The following PRMT3 variants were observed in gnomAD, a reference collection of about 807,000 sequenced individuals.
The protein encoded by PRMT3 is protein arginine methyltransferase 3, also known as protein arginine N-methyltransferase 3.
PRMT3 carries 62 observed loss-of-function variants against 71.9 expected under a neutral mutation model. The observed-to-expected ratio is 0.86, with a 90% CI of 0.70 to 1.07. The LOEUF is 1.07. Ranked by LOEUF, PRMT3 falls within the 50% of genes least tolerant of loss-of-function variation. The pLI is 0.00. For missense variants in PRMT3, 663 were observed against 643.0 expected (o/e 1.03, Z -0.34); for synonymous variants, 213 against 220.4 (o/e 0.97, Z 0.30).
rs1440579229 is a variant in PRMT3 at position 20,387,745 on chromosome 11, C to T, written c.-2C>T. ...ACGCCGGGCTCTCGGGGCACCACAG[C>T]CATGTGCTCGTTAGCGTCAGGCGCT... On this transcript the variant is annotated 5_prime_UTR_variant, in exon 1 of 16. Coordinates refer to ENST00000331079, the MANE Select transcript of PRMT3 (RefSeq NM_005788.4). The surrounding 1 kb of genome is among the most constrained non-coding windows in gnomAD (Gnocchi z 4.3). 20 of 1,540,726 alleles carry T rather than the reference C, an allele frequency of 1.3e-5. No individual in the cohort carries two copies. The highest frequency in any genetic ancestry group is 1.7e-5 in the Non-Finnish European group (20 of 1,145,994).
At chr11:20,406,658 A>G (rs1367816204) in intron 8 of PRMT3, 1 of 152,210 alleles carries the variant, frequency 6.6e-6, no homozygotes, top group Non-Finnish European at 1.5e-5. Context: ...TTTTGGGTAT[A>G]TACCCAGAAA....
chr11:20,466,980 A>T (rs1032195221), intron 13 of PRMT3, among the ~76,000 whole-genome samples: 1 of 152,166 alleles, frequency 6.6e-6, no homozygotes, highest in African/African-American at 2.4e-5. Flanking sequence ...AACTTGCCTG[A>T]ATGGTGTTTA....
chr11:20,440,892 G>C (rs1379949821), intron 10 of PRMT3, among the ~76,000 whole-genome samples: 1 of 151,950 alleles, frequency 6.6e-6, no homozygotes, highest in African/African-American at 2.4e-5. Context: ...CTTTCATAGA[G>C]CAAAAGTTTT....
intron 10 of PRMT3, among the ~76,000 whole-genome samples, chr11:20,440,336 CA>C (rs978773732): frequency 6.6e-6 from 1 of 152,058 alleles, no homozygotes; most frequent in Non-Finnish European, 1.5e-5. Flanking sequence ...GCCTGGGCAA[CA>C]GAGCGAGATG....
intron 7 of PRMT3, among the ~76,000 whole-genome samples, chr11:20,402,486 T>G (rs1165352064): frequency 3.3e-5 from 5 of 152,096 alleles, no homozygotes; most frequent in African/African-American, 1.2e-4. Flanking sequence ...GGTCTCAAAC[T>G]CCTAGCTTCA....
chr11:20,404,165 T>G (rs1168234108), intron 8 of PRMT3, among the ~76,000 whole-genome samples: 4 of 150,550 alleles, frequency 2.7e-5, no homozygotes, highest in African/African-American at 9.7e-5. Context: ...TATTTAGTTT[T>G]TTTTTGTATG....
At chr11:20,436,686 A>G (rs1001381887) in intron 10 of PRMT3, among the ~76,000 whole-genome samples, 19 of 147,824 alleles carry the variant, frequency 1.3e-4, no homozygotes, top group Admixed American at 3.4e-4. Flanking sequence ...GTTTGCTTGT[A>G]TTTTGTTAAG....
intron 10 of PRMT3, among the ~76,000 whole-genome samples, chr11:20,447,224 A>T (rs1850050403): frequency 6.6e-6 from 1 of 151,944 alleles, no homozygotes; most frequent in African/African-American, 2.4e-5. Flanking sequence ...CATTTTGGAT[A>T]CCTCTAGAAC....
chr11:20,480,944 T>C (rs1396683668), intron 13 of PRMT3, among the ~76,000 whole-genome samples: 1 of 152,158 alleles, frequency 6.6e-6, no homozygotes, highest in Non-Finnish European at 1.5e-5. Context: ...AGTAGTGATA[T>C]CCAGTAGGAA....
At chr11:20,392,742 G>T (rs1270924582) in intron 4 of PRMT3, among the ~76,000 whole-genome samples, 155 bp from the exon 5 acceptor site, 1 of 151,616 alleles carries the variant, frequency 6.6e-6, no homozygotes. Flanking sequence ...CGTCCAGCAA[G>T]TTAATGAAAT....
At chr11:20,489,769 GTTT>G (rs1172524201) in intron 13 of PRMT3, among the ~76,000 whole-genome samples, 1 of 144,782 alleles carries the variant, frequency 6.9e-6, no homozygotes, top group Admixed American at 7.0e-5. Flanking sequence ...AATTGAAGGG[GTTT>G]TTTTTTTTCT....
chr11:20,450,392 G>T (rs138954170), intron 10 of PRMT3, among the ~76,000 whole-genome samples: 1 of 152,094 alleles, frequency 6.6e-6, no homozygotes, highest in Non-Finnish European at 1.5e-5. Flanking sequence ...AAGCATTTGT[G>T]TGTGAAATCT....
Position 20,454,555 on chromosome 11 carries a change from T to C in PRMT3, c.1072+2347T>C, listed in dbSNP as rs559892721. Among the ~76,000 whole-genome samples, 103 of 152,264 alleles carry C rather than the reference T, an allele frequency of 6.8e-4. 1 individual carries two copies. The highest frequency in any genetic ancestry group is 2.2e-3 in the African/African-American group (90 of 41,564). On this transcript the variant is annotated intron_variant, in intron 11 of 15. Transcript: ENST00000331079. ...CCTTAAGCAGTGCTGTTGAATCTTATTTGTTAACAGAATCAAGAGAAAGAA... is the reference window on the plus strand; with the variant it reads ...CCTTAAGCAGTGCTGTTGAATCTTACTTGTTAACAGAATCAAGAGAAAGAA...
At chr11:20,391,766 C>G (rs1848721244) in intron 3 of PRMT3, among the ~76,000 whole-genome samples, 1 of 152,132 alleles carries the variant, frequency 6.6e-6, no homozygotes, top group Non-Finnish European at 1.5e-5. Flanking sequence ...AGATAACAAG[C>G]CTTATTGGGC....
rs1181011468 is a variant in PRMT3 at position 20,452,187 on chromosome 11, T to C, written c.1051T>C (p.Tyr351His). The change falls in exon 11 of 16, where the codon TAC becomes CAC. Residue 351 changes from tyrosine (Y) to histidine (H), a missense_variant. Coordinates refer to ENST00000331079, the MANE Select transcript of PRMT3 (RefSeq NM_005788.4). The part of the protein sequence containing the change: ...LDSVLYAKNK[Y>H]LAKGGSVYPD... The stretch of plus-strand genomic sequence containing the variant: ...TTCTGTCCTTTATGCAAAGAACAAA[T>C]ACTTGGCAAAAGGAGGCTCGGGTGA... 6.2e-7 allele frequency: 1 copy of C among 1,609,622 alleles called. No individual in the cohort carries two copies. Among genetic ancestry groups the C allele is most frequent in the African/African-American group, 1.3e-5 (1 of 74,778 alleles).
intron 8 of PRMT3, among the ~76,000 whole-genome samples, chr11:20,404,208 A>C (rs1386199222): frequency 1.2e-5 from 1 of 83,658 alleles, no homozygotes; most frequent in Non-Finnish European, 2.2e-5. Context: ...GAGACTTTTC[A>C]TAGTTTTTTT....
intron 13 of PRMT3, among the ~76,000 whole-genome samples, chr11:20,468,487 G>C (rs546831907): frequency 1.3e-5 from 2 of 152,254 alleles, no homozygotes; most frequent in South Asian, 4.2e-4. Context: ...TCTTGGCTCA[G>C]CCTCCCTAGT....
At chr11:20,434,734 G>A (rs1849725801) in intron 10 of PRMT3, among the ~76,000 whole-genome samples, 1 of 152,038 alleles carries the variant, frequency 6.6e-6, no homozygotes, top group Non-Finnish European at 1.5e-5. Context: ...CTGTTCCATT[G>A]GTCTATGTGT....
intron 13 of PRMT3, among the ~76,000 whole-genome samples, chr11:20,492,079 G>GT (rs1048871583): frequency 3.9e-5 from 6 of 152,206 alleles, no homozygotes; most frequent in African/African-American, 9.7e-5. Context: ...ATAGAAGTGA[G>GT]TTATACATAT....
Sources: gnomAD v4.1 joint callset for allele counts (sites outside exome capture counted in the v4.1 genomes callset) on GRCh38, gnomAD v4.1.1 for gene constraint, Gnocchi (gnomAD v3.1) non-coding constraint, MANE v1.5 for transcripts, NCBI Gene and HGNC (gene_info 2026-07-23, HGNC 2026-07-21) for gene names.